Variants in IQSEC1 observed in about 807,000 individuals in gnomAD.
IQSEC1 encodes the protein IQ motif and SEC7 domain-containing protein 1.
In IQSEC1, 31 loss-of-function variants were observed where a neutral mutation model predicts 91.0. The observed-to-expected ratio is 0.34, with a 90% CI of 0.26 to 0.46. The LOEUF is 0.46. Ranked by LOEUF, IQSEC1 falls within the 20% of genes least tolerant of loss-of-function variation. The pLI is 1.00. For synonymous variants in IQSEC1, 699 were observed against 662.6 expected, an observed-to-expected ratio of 1.05 and a Z score of -0.84; for missense variants, 1,388 against 1,575.6, an observed-to-expected ratio of 0.88 and a Z score of 2.02.
intron 2 of IQSEC1, among the ~76,000 whole-genome samples, chr3:13,097,777 A>G (rs138613025): frequency 2.6e-4 from 40 of 152,326 alleles, no homozygotes; most frequent in Middle Eastern, 6.8e-3. Context: ...CTGGCTGCGC[A>G]TTCAACTTTA....
At chr3:12,903,807 T>C (rs1559600509) in intron 12 of IQSEC1, among the ~76,000 whole-genome samples, 1 of 152,186 alleles carries the variant, frequency 6.6e-6, no homozygotes. Flanking sequence ...CTCTAGAAGC[T>C]TCCATCTGGG....
intron 2 of IQSEC1, among the ~76,000 whole-genome samples, chr3:13,160,450 C>T (rs967671146): frequency 7.9e-5 from 12 of 152,204 alleles, no homozygotes; most frequent in African/African-American, 2.2e-4. Flanking sequence ...TGTGAGCCCC[C>T]AAGCCCTGCC....
chr3:12,933,533 CT>C (rs1697894423), intron 3 of IQSEC1, among the ~76,000 whole-genome samples: 1 of 152,274 alleles, frequency 6.6e-6, no homozygotes, highest in South Asian at 2.1e-4. Context: ...GCTTTCAGCA[CT>C]TCACACAGAC....
At position 12,901,007 on chromosome 3, in the gene IQSEC1, G is replaced by A. The variant is rs930156127; in HGVS notation, c.3321C>T (p.Pro1107=). The A allele has an allele frequency of 1.9e-6, 3 of 1,545,434 alleles. No individual in the cohort carries two copies. The highest frequency in any genetic ancestry group is 2.4e-5 in the South Asian group (2 of 84,066). The change falls in exon 14 of 14, where the codon CCC becomes CCT. Residue 1107 remains proline (P), a synonymous_variant. Transcript: ENST00000613206. ...TCTACACAATTGTGCTGATGCCGCT[G>A]GGTTTGGCCTTGCTGCTGGTGGGGG... The part of the protein sequence containing the change: ...PPPPTSSKAK[P]SGISTIV
chr3:13,234,368 C>T (rs1425729520), intron 1 of IQSEC1, among the ~76,000 whole-genome samples: 1 of 146,430 alleles, frequency 6.8e-6, no homozygotes, highest in Non-Finnish European at 1.5e-5. Context: ...GTGTGAGCAC[C>T]ATGTCCATGT....
intron 1 of IQSEC1, among the ~76,000 whole-genome samples, chr3:13,066,810 G>A (rs1705247069): frequency 6.6e-6 from 1 of 152,260 alleles, no homozygotes; most frequent in Non-Finnish European, 1.5e-5. Flanking sequence ...GGCAGGGCGG[G>A]CCTGGTCCAT....
chr3:13,192,026 C>T (rs1206076527), intron 1 of IQSEC1, among the ~76,000 whole-genome samples: 21 of 152,162 alleles, frequency 1.4e-4, no homozygotes. Flanking sequence ...TACCTCATGC[C>T]ATGTTCTGAT....
intron 1 of IQSEC1, among the ~76,000 whole-genome samples, chr3:13,168,802 T>C (rs1468667759): frequency 6.6e-6 from 1 of 152,130 alleles, no homozygotes; most frequent in East Asian, 1.9e-4. Flanking sequence ...TACCACCTCT[T>C]AGGACAGGCC....
rs1436029468 is a variant in IQSEC1 at position 13,259,743 on chromosome 3, T to A, written c.272+22968A>T. ...CCCGTGGGAGCCTCCAATGCTTACCTCCACCTGCTTCCACCTCTGGTCATC... is the reference window on the plus strand; with the variant it reads ...CCCGTGGGAGCCTCCAATGCTTACCACCACCTGCTTCCACCTCTGGTCATC... On this transcript the variant is annotated intron_variant, in intron 1 of 15. Transcript: ENST00000648114. The surrounding 1 kb of genome is among the most constrained non-coding windows in gnomAD (Gnocchi z 4.6). Among the ~76,000 whole-genome samples, 1 of 152,166 alleles carries A rather than the reference T, an allele frequency of 6.6e-6. No homozygotes were observed. Among genetic ancestry groups the A allele is most frequent in the East Asian group, 1.9e-4 (1 of 5,198 alleles).
At chr3:13,159,090 A>T (rs937869098) in intron 2 of IQSEC1, among the ~76,000 whole-genome samples, 1 of 152,042 alleles carries the variant, frequency 6.6e-6, no homozygotes, top group African/African-American at 2.4e-5. Context: ...CCTTGGAGAG[A>T]CCATATGTTC....
intron 6 of IQSEC1, 84 bp from the exon 7 acceptor site, chr3:12,915,817 A>T: frequency 6.6e-7 from 1 of 1,505,390 alleles, no homozygotes; most frequent in East Asian, 2.3e-5. Context: ...AGAGGAGCGA[A>T]CCTTCCACTA....
At chr3:13,059,714 A>G (rs1348072716) in intron 1 of IQSEC1, among the ~76,000 whole-genome samples, 1 of 152,220 alleles carries the variant, frequency 6.6e-6, no homozygotes, top group East Asian at 1.9e-4. Context: ...TTGGGCCACT[A>G]CACTCCAGCC....
Position 12,915,038 on chromosome 3 carries a change from TGGCTGATGCTG to T in IQSEC1, c.2190+55_2190+65del, listed in dbSNP as rs1169135578. The T allele has an allele frequency of 1.5e-5, 23 of 1,522,134 alleles. No individual in the cohort carries two copies. The African/African-American group carries it at 3.2e-4, about 21-fold the overall frequency. The allele number at this position is 1,522,134 out of a possible 1,614,324, so 94.3% of individuals were successfully genotyped here. On this transcript the variant is annotated intron_variant, in intron 8 of 13. Coordinates refer to ENST00000613206, the MANE Select transcript of IQSEC1 (RefSeq NM_001134382.3). ...CTGGGAGCCTGGGGAGCCGGCGGAC[TGGCTGATGCTG>T]GGCCTCCCCAGGGCGGCGGGCTACC... is the stretch of plus-strand genomic sequence containing the variant.
At chr3:13,115,716 C>G (rs1410491694) in intron 2 of IQSEC1, among the ~76,000 whole-genome samples, 3 of 152,240 alleles carry the variant, frequency 2.0e-5, no homozygotes, top group African/African-American at 7.2e-5. Flanking sequence ...CTGAAGTGGG[C>G]ACTCACCAGA....
intron 1 of IQSEC1, among the ~76,000 whole-genome samples, chr3:13,056,560 C>T (rs1417190741): frequency 6.6e-6 from 1 of 152,080 alleles, no homozygotes; most frequent in Non-Finnish European, 1.5e-5. Context: ...GAGACCTCCC[C>T]AAGCCTCCTC....
intron 1 of IQSEC1, among the ~76,000 whole-genome samples, chr3:13,239,859 G>T (rs953841467): frequency 2.0e-5 from 3 of 152,204 alleles, no homozygotes; most frequent in African/African-American, 7.2e-5. Flanking sequence ...TTGGATGGGG[G>T]CCCCGAGGGG....
Position 12,924,062 on chromosome 3 carries a change from C to T in IQSEC1, c.1730+519G>A, listed in dbSNP as rs908996248. Among the ~76,000 whole-genome samples the T allele has an allele frequency of 6.6e-6, 1 of 152,120 alleles. No homozygotes were observed. ...AATGAGGCAGGGGCAGAGCGTGGCA[C>T]GGGCCGCCCACGGGGAGGCAGGTCA... On this transcript the variant is annotated intron_variant, in intron 4 of 13. Coordinates refer to ENST00000613206, the MANE Select transcript of IQSEC1 (RefSeq NM_001134382.3). The surrounding 1 kb of genome is among the most constrained non-coding windows in gnomAD (Gnocchi z 6.3).
rs898315775 is a variant in IQSEC1, at chr3:13,193,156, C to T, written c.273-29023G>A. 2.6e-5 allele frequency among the ~76,000 whole-genome samples: 4 copies of T among 152,206 alleles called. No homozygotes were observed. The highest frequency in any genetic ancestry group is 4.8e-5 in the African/African-American group (2 of 41,450). On this transcript the variant is annotated intron_variant, in intron 1 of 15. Transcript: ENST00000648114. The surrounding 1 kb of genome is among the most constrained non-coding windows in gnomAD (Gnocchi z 4.2). ...TACGAGCACAGGATGCCCACCTGCC[C>T]GGGGCTCACACACAGAGCCTGCCCC... is the stretch of plus-strand genomic sequence containing the variant.
At chr3:13,224,828 G>T (rs370402444) in intron 1 of IQSEC1, among the ~76,000 whole-genome samples, 1 of 152,220 alleles carries the variant, frequency 6.6e-6, no homozygotes, top group African/African-American at 2.4e-5. Context: ...TATGGGAGCT[G>T]CCCTGGCTTA....
Sources: gnomAD v4.1 joint callset for allele counts (sites outside exome capture counted in the v4.1 genomes callset) on GRCh38, gnomAD v4.1.1 for gene constraint, Gnocchi (gnomAD v3.1) non-coding constraint, MANE v1.5 for transcripts, NCBI Gene and HGNC (gene_info 2026-07-23, HGNC 2026-07-21) for gene names.